DLG2: variants seen among roughly 807,000 people sequenced by gnomAD.
DLG2 encodes discs large MAGUK scaffold protein 2, also known as disks large homolog 2.
A neutral mutation model predicts 132.5 loss-of-function variants in DLG2; 45 were observed. The ratio of observed to expected loss-of-function variants is 0.34; its 90% confidence interval spans 0.27 to 0.44. The LOEUF (loss-of-function observed/expected upper bound fraction) is 0.44, where lower values mean the gene tolerates loss of function less well. DLG2 is among the 20% of genes least tolerant of loss of function. The pLI, the probability that DLG2 is intolerant of heterozygous loss-of-function variation, is 1.00. For synonymous variants in DLG2, 424 were observed against 419.6 expected (o/e 1.01, Z -0.13); for missense variants, 1,045 against 1,196.9 (o/e 0.87, Z 1.87).
In DLG2 at chr11:85,249,494, T is replaced by TA. The variant is rs576474435; in HGVS notation, c.186+35725dup. Among the ~76,000 whole-genome samples the TA allele has an allele frequency of 2.7e-3, 405 of 152,120 alleles. 1 individual carries two copies. The highest frequency in any genetic ancestry group is 9.3e-3 in the African/African-American group (385 of 41,518). ...AAGATGAATGCCCTCCTTGTAGGCTTAAAATCTAATTGTTCTATGAGAATT... is the reference window on the plus strand; with the variant it reads ...AAGATGAATGCCCTCCTTGTAGGCTTAAAAATCTAATTGTTCTATGAGAATT... On this transcript the variant is annotated intron_variant, in intron 4 of 27. Coordinates refer to ENST00000376104, the MANE Select transcript of DLG2 (RefSeq NM_001142699.3).
chr11:83,781,754 C>T (rs1486756505), intron 18 of DLG2, among the ~76,000 whole-genome samples: 1 of 152,166 alleles, frequency 6.6e-6, no homozygotes, highest in Admixed American at 6.5e-5. Context: ...TTATCTAATA[C>T]TAGCTACTGC....
chr11:85,424,323 G>C (rs561584589), intron 3 of DLG2, among the ~76,000 whole-genome samples: 2 of 152,106 alleles, frequency 1.3e-5, no homozygotes, highest in East Asian at 3.9e-4. Context: ...GGTTCTCTCA[G>C]GTTTCCTGAT....
At chr11:84,730,535 C>T (rs753960745) in intron 6 of DLG2, among the ~76,000 whole-genome samples, 73 of 151,914 alleles carry the variant, frequency 4.8e-4, no homozygotes, top group Non-Finnish European at 9.0e-4. Flanking sequence ...TTGTGTTGCC[C>T]ATCTGTGAAA....
At chr11:83,971,601 G>C (rs1200959181) in intron 12 of DLG2, among the ~76,000 whole-genome samples, 1 of 152,128 alleles carries the variant, frequency 6.6e-6, no homozygotes, top group Non-Finnish European at 1.5e-5. Context: ...AGTATGGTGG[G>C]ATGAACTGGG....
In DLG2 at chr11:85,529,987, G is replaced by GTTTTTTT. The variant is rs59507021; in HGVS notation, c.40+68663_40+68669dup. ...GGGTAGATCTGCCTAGAGAGGGTTTGTTTTTTTTTTTTTTTTTTTGAGGTG... is the reference window on the plus strand; with the variant it reads ...GGGTAGATCTGCCTAGAGAGGGTTTGTTTTTTTTTTTTTTTTTTTTTTTTTTGAGGTG... On this transcript the variant is annotated intron_variant, in intron 3 of 27. Coordinates refer to ENST00000376104, the MANE Select transcript of DLG2 (RefSeq NM_001142699.3). 1.5e-4 allele frequency among the ~76,000 whole-genome samples: 17 copies of GTTTTTTT among 113,114 alleles called. 1 individual carries two copies. Among genetic ancestry groups the GTTTTTTT allele is most frequent in the Non-Finnish European group, 1.8e-4 (10 of 55,314 alleles). 74.2% of individuals were successfully genotyped at this position (113,114 alleles called of 152,430 possible).
intron 7 of DLG2, among the ~76,000 whole-genome samples, chr11:84,259,264 A>G (rs10898220): frequency 0.096 from 10,723 of 112,282 alleles, 566 homozygotes; most frequent in Admixed American, 0.15. Flanking sequence ...CTGTGTCTCG[A>G]AAAAAAAAAA....
At chr11:84,242,349 T>C (rs1210564342) in intron 8 of DLG2, among the ~76,000 whole-genome samples, 2 of 152,146 alleles carry the variant, frequency 1.3e-5, no homozygotes, top group South Asian at 2.1e-4. Context: ...CTGTTGGTTT[T>C]TTTTTGTTTT....
Position 84,705,769 on chromosome 11 carries a change from A to AT in DLG2, c.358-171039dup, listed in dbSNP as rs201312442. On this transcript the variant is annotated intron_variant, in intron 6 of 27. Transcript: ENST00000376104. ...GGAGTTCAGTAGAAATTATATGCAG[A>AT]TAAAAATATCTTAAAAATGAAGTAT... 1.4e-4 allele frequency among the ~76,000 whole-genome samples: 22 copies of AT among 151,942 alleles called. No homozygotes were observed. In the East Asian group the frequency reaches 4.1e-3, roughly 28 times the overall value.
intron 6 of DLG2, among the ~76,000 whole-genome samples, chr11:84,784,143 CAAAA>C (rs59301159): frequency 8.3e-3 from 72 of 8,642 alleles, no homozygotes; most frequent in Non-Finnish European, 0.011. Flanking sequence ...ACTAAAAATG[CAAAA>C]AAAAAAAAAA....
intron 6 of DLG2, among the ~76,000 whole-genome samples, chr11:84,736,797 T>C (rs897431163): frequency 1.1e-4 from 16 of 151,994 alleles, no homozygotes; most frequent in African/African-American, 3.9e-4. Context: ...ATAGATTCTA[T>C]CAGATATGAC....
chr11:83,694,206 A>T lies in DLG2; in HGVS notation c.1826-60881T>A, dbSNP rs1000115737. On this transcript the variant is annotated intron_variant, in intron 18 of 27. Coordinates refer to ENST00000376104, the MANE Select transcript of DLG2 (RefSeq NM_001142699.3). ...CACCACCATGCCCTTCAAGGACTTC[A>T]AACAAATGAAAAGCATTAGCAAGGT... Among the ~76,000 whole-genome samples, 8 of 152,236 alleles carry T rather than the reference A, an allele frequency of 5.3e-5. No individual in the cohort carries two copies. In the South Asian group the frequency reaches 1.7e-3, roughly 31 times the overall value.
intron 6 of DLG2, among the ~76,000 whole-genome samples, chr11:84,797,496 T>C (rs2074795851): frequency 6.6e-6 from 1 of 152,094 alleles, no homozygotes; most frequent in Admixed American, 6.5e-5. Flanking sequence ...TTTTGATCAA[T>C]TCTGCTGTTG....
At chr11:85,352,448 T>C (rs2083368742) in intron 3 of DLG2, among the ~76,000 whole-genome samples, 1 of 152,214 alleles carries the variant, frequency 6.6e-6, no homozygotes, top group Admixed American at 6.5e-5. Context: ...TGCCTTCTGC[T>C]AGCTTTTGAA....
chr11:84,965,477 G>A (rs568997379), intron 6 of DLG2, among the ~76,000 whole-genome samples: 2 of 152,054 alleles, frequency 1.3e-5, no homozygotes, highest in Non-Finnish European at 2.9e-5. Flanking sequence ...AACTGTGCGG[G>A]ACTTAAATGA....
intron 5 of DLG2, among the ~76,000 whole-genome samples, chr11:85,139,757 T>C (rs1249160231): frequency 6.6e-6 from 1 of 152,036 alleles, no homozygotes; most frequent in African/African-American, 2.4e-5. Flanking sequence ...TCTGCTAGTT[T>C]GTATCCTCCA....
At chr11:83,881,598 G>A (rs1298188932) in intron 15 of DLG2, among the ~76,000 whole-genome samples, 1 of 152,172 alleles carries the variant, frequency 6.6e-6, no homozygotes, top group Non-Finnish European at 1.5e-5. Flanking sequence ...TCCCTCCAGT[G>A]TAATAGTTAG....
At chr11:85,560,352 G>C (rs879623751) in intron 3 of DLG2, among the ~76,000 whole-genome samples, 2 of 151,720 alleles carry the variant, frequency 1.3e-5, no homozygotes, top group Non-Finnish European at 2.9e-5. Flanking sequence ...CCAGGGAAAG[G>C]AACTTTTTTA....
At chr11:84,578,980 G>A (rs1191323501) in intron 6 of DLG2, among the ~76,000 whole-genome samples, 1 of 152,044 alleles carries the variant, frequency 6.6e-6, no homozygotes, top group Admixed American at 6.5e-5. Flanking sequence ...GAAATCTGAT[G>A]GGTTTATAAG....
At chr11:83,548,345 A>C (rs118015302) in intron 19 of DLG2, among the ~76,000 whole-genome samples, 7,547 of 152,242 alleles carry the variant, frequency 0.05, 210 homozygotes, top group Middle Eastern at 0.085. Context: ...TGAGTCCTTA[A>C]AACTAGAAGA....
Sources: allele counts gnomAD v4.1 joint callset (sites outside exome capture counted in the v4.1 genomes callset), GRCh38; gene constraint gnomAD v4.1.1; transcripts MANE v1.5; gene names NCBI Gene and HGNC (gene_info 2026-07-23, HGNC 2026-07-21).